The following HPSE2 variants were observed in gnomAD, a reference collection of about 807,000 sequenced individuals.
The protein encoded by HPSE2 is heparanase 2 (inactive), also known as inactive heparanase-2.
HPSE2 carries 38 observed loss-of-function variants against 60.5 expected under a neutral mutation model. That is an observed-to-expected ratio of 0.63 (90% CI 0.48 to 0.82). HPSE2 has a LOEUF of 0.82. Among genes scored for constraint, HPSE2 ranks in the 40% least tolerant of loss-of-function variants. The pLI is 0.00. For synonymous variants in HPSE2, 295 were observed against 293.2 expected, an observed-to-expected ratio of 1.01 and a Z score of -0.06; for missense variants, 713 against 740.4, an observed-to-expected ratio of 0.96 and a Z score of 0.43.
intron 3 of HPSE2, among the ~76,000 whole-genome samples, chr10:99,139,362 A>G (rs1025399105): frequency 6.6e-6 from 1 of 152,160 alleles, no homozygotes; most frequent in Non-Finnish European, 1.5e-5. Flanking sequence ...CGGGTGCACT[A>G]AAAACTCAGA....
intron 9 of HPSE2, among the ~76,000 whole-genome samples, chr10:98,504,311 T>C (rs1343585016): frequency 1.3e-5 from 2 of 152,246 alleles, no homozygotes; most frequent in African/African-American, 4.8e-5. Flanking sequence ...TTAATTGTTA[T>C]TATAATTTTA....
At chr10:99,274,645 A>G in the HPSE2 span, among the ~76,000 whole-genome samples, 4 of 152,158 alleles carry the variant, frequency 2.6e-5, no homozygotes, top group Admixed American at 6.5e-5. Context: ...AAAAAATTCA[A>G]CCACAAAAAA....
chr10:99,132,209 G>C (rs1236722995), intron 3 of HPSE2, among the ~76,000 whole-genome samples: 2 of 20,446 alleles, frequency 9.8e-5, no homozygotes, highest in African/African-American at 1.5e-4. Context: ...GAGAGAGAGA[G>C]AGAGAGAGAG....
At chr10:99,045,539 G>GA (rs1228031444) in intron 3 of HPSE2, among the ~76,000 whole-genome samples, 2 of 151,930 alleles carry the variant, frequency 1.3e-5, no homozygotes, top group East Asian at 3.8e-4. Context: ...AAAAATCAAT[G>GA]AAGACAAGAA....
chr10:99,225,424 G>A (rs1342969590), intron 2 of HPSE2, among the ~76,000 whole-genome samples: 1 of 151,974 alleles, frequency 6.6e-6, no homozygotes, highest in Non-Finnish European at 1.5e-5. Flanking sequence ...CCTACTCAAT[G>A]AGTAAATAAA....
chr10:99,077,091 T>C (rs1287551383), intron 3 of HPSE2, among the ~76,000 whole-genome samples: 2 of 152,184 alleles, frequency 1.3e-5, no homozygotes, highest in Non-Finnish European at 2.9e-5. Context: ...TTATGAGGGT[T>C]TTCTTGTATA....
intron 3 of HPSE2, among the ~76,000 whole-genome samples, chr10:99,034,694 T>C (rs1405753459): frequency 6.6e-6 from 1 of 152,148 alleles, no homozygotes; most frequent in Non-Finnish European, 1.5e-5. Context: ...GAGAAATGCA[T>C]AGTTAGGTGA....
chr10:99,040,306 T>C (rs997450710), intron 3 of HPSE2, among the ~76,000 whole-genome samples: 1 of 152,184 alleles, frequency 6.6e-6, no homozygotes, highest in Non-Finnish European at 1.5e-5. Flanking sequence ...TTATTTCTAA[T>C]ATTTTGTCAT....
At chr10:98,985,759 G>A (rs1164996537) in intron 3 of HPSE2, among the ~76,000 whole-genome samples, 1 of 152,108 alleles carries the variant, frequency 6.6e-6, no homozygotes, top group Non-Finnish European at 1.5e-5. Flanking sequence ...CTCATATGCA[G>A]AGACACACAT....
At chr10:98,746,163 C>A (rs574835453) in intron 3 of HPSE2, among the ~76,000 whole-genome samples, 2 of 48,842 alleles carry the variant, frequency 4.1e-5, no homozygotes, top group Non-Finnish European at 6.1e-5. Context: ...TGGGCAACAA[C>A]AACAACAACA....
chr10:99,072,006 A>T (rs1842805295), intron 3 of HPSE2, among the ~76,000 whole-genome samples: 1 of 141,354 alleles, frequency 7.1e-6, no homozygotes, highest in African/African-American at 2.5e-5. Context: ...CAGGAAGTGG[A>T]TTGCCTCTAA....
chr10:98,696,304 A>C (rs569213057), intron 5 of HPSE2, among the ~76,000 whole-genome samples: 4,953 of 149,700 alleles, frequency 0.033, 256 homozygotes, highest in African/African-American at 0.093. Context: ...AAAAAAAAAA[A>C]AAAAAAAAAA....
At chr10:98,716,195 T>C (rs1429491402) in intron 5 of HPSE2, among the ~76,000 whole-genome samples, 1 of 151,960 alleles carries the variant, frequency 6.6e-6, no homozygotes, top group Non-Finnish European at 1.5e-5. Flanking sequence ...TCGAGTCACA[T>C]TTTCAGGCTA....
intron 3 of HPSE2, among the ~76,000 whole-genome samples, chr10:98,971,006 A>G (rs1041825700): frequency 6.6e-6 from 1 of 152,234 alleles, no homozygotes; most frequent in Non-Finnish European, 1.5e-5. Context: ...TCATCTTCAC[A>G]GTTTGTGATA....
intron 9 of HPSE2, among the ~76,000 whole-genome samples, chr10:98,608,125 T>C (rs996959791): frequency 3.3e-5 from 5 of 152,220 alleles, no homozygotes; most frequent in South Asian, 2.1e-4. Flanking sequence ...CAAGGACATA[T>C]AGCTAGTAAG....
At chr10:99,283,266 A>T in the HPSE2 span, among the ~76,000 whole-genome samples, 14 of 151,850 alleles carry the variant, frequency 9.2e-5, no homozygotes, top group Non-Finnish European at 1.8e-4. Context: ...ACAAATAAAA[A>T]ATGCAAAACA....
At chr10:99,013,151 C>A in intron 3 of HPSE2, 1 of 675,174 alleles carries the variant, frequency 1.5e-6, no homozygotes, top group Non-Finnish European at 2.8e-6. Flanking sequence ...GGCACAATCC[C>A]TCACCAGTTA....
the HPSE2 span, among the ~76,000 whole-genome samples, chr10:99,307,830 GCGCACA>G: frequency 2.9e-4 from 41 of 141,104 alleles, no homozygotes; most frequent in African/African-American, 4.6e-4. Flanking sequence ...CCTAGTAAAT[GCGCACA>G]CACACACACA....
At chr10:99,001,855 T>C (rs1224479217) in intron 3 of HPSE2, among the ~76,000 whole-genome samples, 2 of 152,156 alleles carry the variant, frequency 1.3e-5, no homozygotes, top group South Asian at 2.1e-4. Flanking sequence ...GAGAATGTTC[T>C]GATCAAGAGT....
Sources: gnomAD v4.1 joint callset for allele counts (sites outside exome capture counted in the v4.1 genomes callset) on GRCh38, gnomAD v4.1.1 for gene constraint, MANE v1.5 for transcripts, NCBI Gene and HGNC (gene_info 2026-07-23, HGNC 2026-07-21) for gene names.